Variants in BNC2 observed in about 807,000 individuals in gnomAD.
The protein encoded by BNC2 is basonuclin zinc finger protein 2.
A neutral mutation model predicts 76.3 loss-of-function variants in BNC2; 20 were observed. The ratio of observed to expected loss-of-function variants is 0.26; its 90% CI spans 0.18 to 0.38. The LOEUF (loss-of-function observed/expected upper bound fraction) is 0.38, where lower values mean the gene tolerates loss of function less well. BNC2 is among the 10% of genes least tolerant of loss of function. The probability of loss-of-function intolerance (pLI) is 1.00; values close to 1 mark genes in which losing one functional copy is unlikely to be tolerated. For synonymous variants in BNC2, 582 were observed against 514.8 expected (o/e 1.13, Z -1.77); for missense variants, 1,382 against 1,399.8 (o/e 0.99, Z 0.20).
intron 3 of BNC2, among the ~76,000 whole-genome samples, chr9:16,692,363 A>G (rs1823198217): frequency 6.6e-6 from 1 of 152,190 alleles, no homozygotes; most frequent in Non-Finnish European, 1.5e-5. Flanking sequence ...TAGCTTTGCA[A>G]TTAGATCTCT....
At chr9:16,693,023 G>A (rs1182902803) in intron 3 of BNC2, among the ~76,000 whole-genome samples, 2 of 150,912 alleles carry the variant, frequency 1.3e-5, no homozygotes, top group African/African-American at 2.4e-5. Context: ...CCAGCTACTT[G>A]GGAGGCTGAG....
chr9:16,661,669 C>A (rs911309281), intron 3 of BNC2, among the ~76,000 whole-genome samples: 1 of 152,066 alleles, frequency 6.6e-6, no homozygotes, highest in Non-Finnish European at 1.5e-5. Flanking sequence ...ATTTTCATGT[C>A]TATTTCTAAA....
In BNC2 at chr9:16,413,901, G is replaced by A. The variant is rs527647919; in HGVS notation, c.*5088C>T. 1 of 152,164 alleles carries A rather than the reference G, an allele frequency of 6.6e-6. No individual in the cohort carries two copies. The highest frequency in any genetic ancestry group is 1.5e-5 in the Non-Finnish European group (1 of 68,026). The allele number at this position is 152,164 out of a possible 1,614,324, so 9.4% of individuals were successfully genotyped here. ...GTTGTGTTGCTACAGTGGCAAGCAT[G>A]AGTAATGATCAAGAAAGGAACGATC... On this transcript the variant is annotated 3_prime_UTR_variant, in exon 7 of 7. Coordinates refer to ENST00000380672, the MANE Select transcript of BNC2 (RefSeq NM_017637.6).
chr9:16,423,346 G>T (rs1820744868), intron 6 of BNC2, among the ~76,000 whole-genome samples: 1 of 152,046 alleles, frequency 6.6e-6, no homozygotes, highest in Admixed American at 6.5e-5. Context: ...AAGATATATG[G>T]AAGGAAGTTC....
At chr9:16,816,449 G>C (rs1307503539) in intron 1 of BNC2, among the ~76,000 whole-genome samples, 2 of 152,038 alleles carry the variant, frequency 1.3e-5, no homozygotes, top group African/African-American at 4.8e-5. Flanking sequence ...TACCAAGCTG[G>C]GCAGCCTTCC....
At chr9:16,456,842 A>G (rs1441234210) in intron 5 of BNC2, among the ~76,000 whole-genome samples, 1 of 152,236 alleles carries the variant, frequency 6.6e-6, no homozygotes, top group Non-Finnish European at 1.5e-5. Context: ...ACATCAAAAA[A>G]TTTAACTCTA....
intron 1 of BNC2, among the ~76,000 whole-genome samples, chr9:16,811,004 G>T (rs566302557): frequency 2.0e-5 from 3 of 151,134 alleles, no homozygotes; most frequent in African/African-American, 7.3e-5. Context: ...AGATCTCAAG[G>T]TCAGGAGATC....
chr9:16,566,806 A>G (rs556547659), intron 4 of BNC2, among the ~76,000 whole-genome samples: 4 of 152,356 alleles, frequency 2.6e-5, no homozygotes, highest in Admixed American at 6.5e-5. Context: ...AAGAGCATCT[A>G]TAAAGACAGG....
At chr9:16,643,924 C>T (rs1345587082) in intron 3 of BNC2, among the ~76,000 whole-genome samples, 1 of 152,112 alleles carries the variant, frequency 6.6e-6, no homozygotes, top group Non-Finnish European at 1.5e-5. Context: ...ATCTTGAGTT[C>T]TCTTAACACC....
intron 3 of BNC2, among the ~76,000 whole-genome samples, chr9:16,718,581 G>A (rs1283379361): frequency 6.6e-6 from 1 of 152,116 alleles, no homozygotes; most frequent in Non-Finnish European, 1.5e-5. Context: ...TTTATCTGAA[G>A]TAAGCTGTAG....
chr9:16,797,163 T>A (rs951159111), intron 1 of BNC2, among the ~76,000 whole-genome samples: 1 of 152,180 alleles, frequency 6.6e-6, no homozygotes. Flanking sequence ...TTTTTTTACT[T>A]AACCTTCTCT....
At chr9:16,620,286 T>C (rs1003085534) in intron 3 of BNC2, among the ~76,000 whole-genome samples, 2 of 152,206 alleles carry the variant, frequency 1.3e-5, no homozygotes, top group African/African-American at 4.8e-5. Context: ...AGCTAAAATA[T>C]GACCCTTAAA....
At chr9:16,472,740 G>T (rs1345701829) in intron 5 of BNC2, among the ~76,000 whole-genome samples, 1 of 152,200 alleles carries the variant, frequency 6.6e-6, no homozygotes, top group Non-Finnish European at 1.5e-5. Flanking sequence ...GCCATTGGAG[G>T]CTCAATGAAT....
At chr9:16,638,219 G>A (rs894348557) in intron 3 of BNC2, among the ~76,000 whole-genome samples, 5 of 152,134 alleles carry the variant, frequency 3.3e-5, no homozygotes, top group African/African-American at 1.2e-4. Flanking sequence ...TTCTAACAGT[G>A]TTTTGTTATT....
intron 1 of BNC2, among the ~76,000 whole-genome samples, chr9:16,841,085 T>C (rs372697051): frequency 3.3e-5 from 5 of 152,230 alleles, no homozygotes; most frequent in African/African-American, 9.6e-5. Flanking sequence ...GGCAATGTTC[T>C]AGGCAGATAA....
In BNC2 at chr9:16,437,416, G is replaced by T. The variant is rs774834108; in HGVS notation, c.778C>A (p.Leu260Met). 1 of 1,611,842 alleles carries T rather than the reference G, an allele frequency of 6.2e-7. No individual in the cohort carries two copies. The highest frequency in any genetic ancestry group is 1.3e-5 in the African/African-American group (1 of 74,794). The change falls in exon 6 of 7, where the codon CTG becomes ATG. Residue 260 changes from leucine (L) to methionine (M), a missense_variant. By Grantham distance (15) the Leu-to-Met change is conservative. Around this residue, in one of 3 missense-constraint regions of BNC2, gnomAD observed 557 missense variants for 540.9 expected, o/e 1.03. Coordinates refer to ENST00000380672, the MANE Select transcript of BNC2 (RefSeq NM_017637.6). Reference sequence around the variant, plus strand: ...CCTTCTTTCTCCTGAATTGCCATCAGCTCCACAATGGATTTGGTTTCTCCA... The same window carrying T: ...CCTTCTTTCTCCTGAATTGCCATCATCTCCACAATGGATTTGGTTTCTCCA... ...RFGETKSIVE[L>M]MAIQEKEGQA...
chr9:16,862,233 T>G (rs1053263641), intron 1 of BNC2, among the ~76,000 whole-genome samples: 2 of 152,326 alleles, frequency 1.3e-5, no homozygotes, highest in Non-Finnish European at 2.9e-5. Context: ...CAGGGCCACA[T>G]TACTCAAAAA....
chr9:16,553,044 T>A (rs1247791597), intron 4 of BNC2, among the ~76,000 whole-genome samples: 1 of 152,146 alleles, frequency 6.6e-6, no homozygotes, highest in Non-Finnish European at 1.5e-5. Flanking sequence ...AAAGAGTCAC[T>A]GAGGGGGTTT....
At chr9:16,811,906 T>C (rs768144672) in intron 1 of BNC2, among the ~76,000 whole-genome samples, 1 of 152,218 alleles carries the variant, frequency 6.6e-6, no homozygotes, top group Non-Finnish European at 1.5e-5. Flanking sequence ...GAAATCTACC[T>C]TGACCTTCCC....
Sources: allele counts gnomAD v4.1 joint callset (sites outside exome capture counted in the v4.1 genomes callset), GRCh38; gene constraint gnomAD v4.1.1; regional missense constraint gnomAD v4.1.1; transcripts MANE v1.5; gene names NCBI Gene and HGNC (gene_info 2026-07-23, HGNC 2026-07-21).